The following GALNT17 variants were observed in gnomAD, a reference collection of about 807,000 sequenced individuals.
GALNT17 encodes the protein UDP-GalNAc:polypeptide N-acetylgalactosaminyltransferase-like 3.
In GALNT17, 29 loss-of-function variants were observed where a neutral mutation model predicts 63.7. The observed-to-expected ratio is 0.46, with a 90% confidence interval of 0.34 to 0.62. GALNT17 has a LOEUF of 0.62. GALNT17 is among the 20% of genes least tolerant of loss of function. The pLI, the probability that GALNT17 is intolerant of heterozygous loss-of-function variation, is 0.01. For missense variants in GALNT17, 603 were observed against 799.6 expected (o/e 0.75, Z 2.97); for synonymous variants, 305 against 318.3 (o/e 0.96, Z 0.45).
intron 6 of GALNT17, among the ~76,000 whole-genome samples, chr7:71,638,538 G>A (rs1206371963): frequency 6.6e-6 from 1 of 152,166 alleles, no homozygotes; most frequent in Non-Finnish European, 1.5e-5. Flanking sequence ...TTGAAAAGAG[G>A]GTGGGATGTG....
At chr7:71,266,344 C>T (rs770167249) in intron 1 of GALNT17, among the ~76,000 whole-genome samples, 7 of 152,092 alleles carry the variant, frequency 4.6e-5, no homozygotes, top group Admixed American at 6.5e-5. Flanking sequence ...ATCATGGGAG[C>T]GGACTTCCCC....
intron 6 of GALNT17, among the ~76,000 whole-genome samples, chr7:71,640,324 A>C (rs1790585977): frequency 6.7e-6 from 1 of 148,910 alleles, no homozygotes; most frequent in Non-Finnish European, 1.5e-5. Flanking sequence ...TGCATTCTAC[A>C]TTTTTTTTTT....
intron 5 of GALNT17, among the ~76,000 whole-genome samples, chr7:71,457,381 A>G (rs1303305199): frequency 2.0e-5 from 3 of 152,198 alleles, no homozygotes; most frequent in Admixed American, 1.3e-4. Flanking sequence ...GTTACCGGAA[A>G]GGGGTCCTGA....
intron 1 of GALNT17, among the ~76,000 whole-genome samples, chr7:71,298,789 T>C (rs962404633): frequency 6.6e-6 from 1 of 152,068 alleles, no homozygotes; most frequent in Non-Finnish European, 1.5e-5. Flanking sequence ...TTGGGATATT[T>C]ACCCAAATTC....
chr7:71,581,040 G>A (rs1789628570), intron 6 of GALNT17, among the ~76,000 whole-genome samples: 1 of 152,172 alleles, frequency 6.6e-6, no homozygotes, highest in Admixed American at 6.5e-5. Context: ...GTTGTGCATG[G>A]CTGGGGAGGC....
intron 10 of GALNT17, 65 bp from the exon 11 acceptor site, chr7:71,711,951 CTA>C: frequency 6.4e-7 from 1 of 1,551,520 alleles, no homozygotes; most frequent in Non-Finnish European, 8.9e-7. Flanking sequence ...TCTCCTCTCT[CTA>C]TATCTCTCGC....
intron 3 of GALNT17, among the ~76,000 whole-genome samples, chr7:71,391,510 TCTCA>T (rs772665035): frequency 7.0e-6 from 1 of 142,642 alleles, no homozygotes; most frequent in Non-Finnish European, 1.5e-5. Flanking sequence ...AGACAGGGTC[TCTCA>T]CTCTGTCGCC....
intron 3 of GALNT17, among the ~76,000 whole-genome samples, chr7:71,397,410 T>A (rs1046639953): frequency 6.6e-6 from 1 of 152,070 alleles, no homozygotes; most frequent in African/African-American, 2.4e-5. Flanking sequence ...CAGGAGCAGG[T>A]CAAAGCAGAA....
chr7:71,349,316 A>G lies in GALNT17; in HGVS notation c.422+13583A>G, dbSNP rs148716576. Among the ~76,000 whole-genome samples, 1,140 of 152,276 alleles carry G rather than the reference A, an allele frequency of 7.5e-3. 12 individuals are homozygous for G. The highest frequency in any genetic ancestry group is 0.054 in the South Asian group (262 of 4,826). Reference sequence around the variant, plus strand: ...GAATGGGTGAAATGGACTAAATTCAAGTATTAATGGGAGAGCCACGTGTGC... The same window carrying G: ...GAATGGGTGAAATGGACTAAATTCAGGTATTAATGGGAGAGCCACGTGTGC... On this transcript the variant is annotated intron_variant, in intron 2 of 10. Coordinates refer to ENST00000333538, the MANE Select transcript of GALNT17 (RefSeq NM_022479.3).
chr7:71,206,159 TAA>T (rs1430065184), intron 1 of GALNT17, among the ~76,000 whole-genome samples: 1 of 147,956 alleles, frequency 6.8e-6, no homozygotes, highest in Non-Finnish European at 1.5e-5. Flanking sequence ...AATATATATA[TAA>T]AATATATATA....
intron 1 of GALNT17, among the ~76,000 whole-genome samples, chr7:71,214,332 T>G (rs9638288): frequency 0.55 from 83,280 of 152,048 alleles, 23,677 homozygotes; most frequent in East Asian, 0.71. Flanking sequence ...TGGGGTTTGT[T>G]TATGTCACTA....
At chr7:71,290,893 C>T (rs1408037020) in intron 1 of GALNT17, among the ~76,000 whole-genome samples, 2 of 152,194 alleles carry the variant, frequency 1.3e-5, no homozygotes, top group East Asian at 1.9e-4. Flanking sequence ...CTCATCTTGG[C>T]TCTCTGCCTC....
intron 2 of GALNT17, among the ~76,000 whole-genome samples, chr7:71,363,165 C>G (rs959529732): frequency 1.3e-5 from 2 of 152,098 alleles, no homozygotes; most frequent in African/African-American, 4.8e-5. Flanking sequence ...CAGGGTTTCA[C>G]CATGTTGGCC....
intron 5 of GALNT17, among the ~76,000 whole-genome samples, chr7:71,455,985 T>C (rs1280772903): frequency 1.3e-5 from 2 of 152,180 alleles, no homozygotes; most frequent in African/African-American, 4.8e-5. Flanking sequence ...GTGGCTCACG[T>C]CTGTAATCCC....
At chr7:71,592,537 A>AGC (rs1789820283) in intron 6 of GALNT17, among the ~76,000 whole-genome samples, 8 of 40,174 alleles carry the variant, frequency 2.0e-4, no homozygotes, top group African/African-American at 5.8e-4. Context: ...AAAATAAAAT[A>AGC]AAATAAAATA....
At chr7:71,598,396 A>G (rs1789918985) in intron 6 of GALNT17, among the ~76,000 whole-genome samples, 1 of 152,210 alleles carries the variant, frequency 6.6e-6, no homozygotes, top group Non-Finnish European at 1.5e-5. Flanking sequence ...GCAGTTGACA[A>G]TGGGTCATCA....
intron 6 of GALNT17, among the ~76,000 whole-genome samples, chr7:71,609,868 A>G (rs1427798448): frequency 6.6e-6 from 1 of 152,180 alleles, no homozygotes; most frequent in East Asian, 1.9e-4. Context: ...TCTTAAGAGA[A>G]AGAATTTATA....
chr7:71,708,664 G>A (rs1392597379), intron 9 of GALNT17, among the ~76,000 whole-genome samples: 1 of 152,182 alleles, frequency 6.6e-6, no homozygotes, highest in African/African-American at 2.4e-5. Context: ...CACCCAGGTA[G>A]TAAGCATAAT....
chr7:71,179,965 C>T (rs1032003509), intron 1 of GALNT17, among the ~76,000 whole-genome samples: 1 of 152,192 alleles, frequency 6.6e-6, no homozygotes, highest in Non-Finnish European at 1.5e-5. Flanking sequence ...TCTGACAATA[C>T]TGGACACCAG....
Sources: allele counts gnomAD v4.1 joint callset (sites outside exome capture counted in the v4.1 genomes callset), GRCh38; gene constraint gnomAD v4.1.1; transcripts MANE v1.5; gene names NCBI Gene and HGNC (gene_info 2026-07-23, HGNC 2026-07-21).